Variants in DCP1B observed in about 807,000 individuals in gnomAD.
DCP1B encodes the protein decapping mRNA 1B.
DCP1B carries 47 observed loss-of-function variants against 60.5 expected under a neutral mutation model. The observed-to-expected ratio is 0.78, with a 90% confidence interval of 0.61 to 0.99. The LOEUF is 0.99. Ranked by LOEUF, DCP1B falls within the 50% of genes least tolerant of loss-of-function variation. DCP1B has a pLI of 0.00. For synonymous variants in DCP1B, 267 were observed against 280.3 expected (o/e 0.95, Z 0.47); for missense variants, 725 against 756.8 (o/e 0.96, Z 0.49).
intron 5 of DCP1B, among the ~76,000 whole-genome samples, chr12:1,960,246 G>A (rs1036435359): frequency 2.9e-4 from 44 of 152,216 alleles, no homozygotes; most frequent in African/African-American, 1.0e-3. Context: ...CAACAACATG[G>A]ATGAACCTGG....
chr12:1,952,366 T>C, intron 7 of DCP1B, 50 bp downstream of exon 7: 1 of 1,476,044 alleles, frequency 6.8e-7, no homozygotes, highest in Non-Finnish European at 9.0e-7. Context: ...AGGGACAGGA[T>C]CTTGCTATGC....
In DCP1B at chr12:2,004,417, C is replaced by G. The variant is rs777796436; in HGVS notation, c.15G>C (p.Ala5=). 1 of 1,610,208 alleles carries G rather than the reference C, an allele frequency of 6.2e-7. No homozygotes were observed. The highest frequency in any genetic ancestry group is 8.5e-7 in the Non-Finnish European group (1 of 1,178,622). Residue 5 remains alanine (A), a synonymous_variant, in exon 1 of 9, where the codon GCG becomes GCC. Transcript: ENST00000280665. MAAV[A]AGGLVGKGRD... is the part of the protein sequence containing the mutation. The stretch of plus-strand genomic sequence containing the variant: ...GCCCCTTTCCCACCAGGCCGCCTGC[C>G]GCCACGGCTGCCATCTTCCCTCCCT...
chr12:1,992,907 T>C, intron 3 of DCP1B: 1 of 528,812 alleles, frequency 1.9e-6, no homozygotes, highest in South Asian at 2.9e-5. Context: ...ACTCGTTAAT[T>C]CTTCGTTCAG....
chr12:1,944,024 T>C (rs2154456094), downstream of DCP1B, among the ~76,000 whole-genome samples: 1 of 152,362 alleles, frequency 6.6e-6, no homozygotes. Flanking sequence ...CATGACTGTA[T>C]ATTTAGAAAA....
intron 7 of DCP1B, chr12:1,950,173 AT>A: frequency 1.7e-6 from 1 of 585,540 alleles, no homozygotes; most frequent in South Asian, 2.2e-5. Context: ...AGTTGCTGTA[AT>A]TTTATAATCA....
intron 2 of DCP1B, among the ~76,000 whole-genome samples, chr12:1,995,257 ATACT>A (rs2040520671): frequency 6.6e-6 from 1 of 152,214 alleles, no homozygotes; most frequent in Admixed American, 6.5e-5. Context: ...TCAATCATTA[ATACT>A]TACTAATACA....
At chr12:1,955,685 A>T in intron 5 of DCP1B, 125 bp from the exon 6 acceptor site, 1 of 1,117,120 alleles carries the variant, frequency 9.0e-7, no homozygotes, top group Non-Finnish European at 1.2e-6. Flanking sequence ...TTCATGCACA[A>T]AGGAAAATCC....
chr12:1,959,530 C>G (rs2031043307), intron 5 of DCP1B, among the ~76,000 whole-genome samples: 1 of 152,048 alleles, frequency 6.6e-6, no homozygotes. Context: ...ATTAAAACCA[C>G]AGTGAAATAT....
chr12:2,004,080 TCCA>T, intron 1 of DCP1B, 199 bp downstream of exon 1: 1 of 696,832 alleles, frequency 1.4e-6, no homozygotes, highest in Non-Finnish European at 2.4e-6. Context: ...TTTCCCCAAC[TCCA>T]GGTAGCTCCA....
chr12:1,967,681 C>T (rs779873667), intron 4 of DCP1B, among the ~76,000 whole-genome samples, 163 bp downstream of exon 4: 3 of 152,184 alleles, frequency 2.0e-5, no homozygotes, highest in Admixed American at 6.5e-5. Context: ...GTTGTTCTTA[C>T]GTCTAATTTT....
In DCP1B at chr12:1,976,813, C is replaced by G. The variant is rs112230987; in HGVS notation, c.320-8903G>C. Among the ~76,000 whole-genome samples the G allele has an allele frequency of 8.0e-4, 98 of 122,182 alleles. 1 individual carries two copies. The highest frequency in any genetic ancestry group is 1.4e-3 in the Non-Finnish European group (85 of 62,376). The allele number at this position is 122,182 out of a possible 152,430, so 80.2% of individuals were successfully genotyped here. ...ACCCTCTAAAACAATGTCTGGCACA[C>G]AGCAGTCAAGCAAATATATTTGAGG... On this transcript the variant is annotated intron_variant, in intron 3 of 8. Transcript: ENST00000280665.
At chr12:1,963,341 A>G (rs529941541) in intron 5 of DCP1B, among the ~76,000 whole-genome samples, 1 of 152,346 alleles carries the variant, frequency 6.6e-6, no homozygotes, top group East Asian at 1.9e-4. Flanking sequence ...ACTAGCTGGA[A>G]TTCTCTGGTA....
chr12:1,980,511 T>C (rs1009254113), intron 3 of DCP1B, among the ~76,000 whole-genome samples: 3 of 151,962 alleles, frequency 2.0e-5, no homozygotes, highest in African/African-American at 7.2e-5. Context: ...TCTCAATATG[T>C]TTTCCCAGTC....
At chr12:1,982,678 A>AT (rs554170549) in intron 3 of DCP1B, among the ~76,000 whole-genome samples, 4 of 152,074 alleles carry the variant, frequency 2.6e-5, no homozygotes, top group Non-Finnish European at 4.4e-5. Context: ...TACTATAAAC[A>AT]TTTTTTTGTT....
chr12:1,956,598 T>C (rs1565763719), intron 5 of DCP1B, among the ~76,000 whole-genome samples: 1 of 152,370 alleles, frequency 6.6e-6, no homozygotes, highest in Non-Finnish European at 1.5e-5. Flanking sequence ...CAATAATTTG[T>C]ATATTTAGCA....
intron 3 of DCP1B, chr12:1,992,952 C>T (rs1276820151): frequency 1.2e-5 from 7 of 596,114 alleles, no homozygotes; most frequent in Non-Finnish European, 2.1e-5. Context: ...GCAGTCTCCT[C>T]ACTAAGAACT....
At chr12:1,993,489 G>T in intron 2 of DCP1B, 98 bp from the exon 3 acceptor site, 1 of 1,457,454 alleles carries the variant, frequency 6.9e-7, no homozygotes, top group Non-Finnish European at 9.2e-7. Context: ...CTCAACCTTT[G>T]TTTGTATATG....
rs2031396142 is a variant in DCP1B, at chr12:1,967,925, C to T, written c.320-15G>A. On this transcript the variant is annotated splice_polypyrimidine_tract_variant and intron_variant, in intron 3 of 8. Transcript: ENST00000280665. ...ATAGATGGACACTGCAAAAAACACA[C>T]ATCAAACAAATTATGAGCATCTTCA... is the stretch of plus-strand genomic sequence containing the variant. 1.9e-6 allele frequency: 3 copies of T among 1,604,698 alleles called. No homozygotes were observed. In the East Asian group the frequency reaches 6.7e-5, roughly 36 times the overall value.
chr12:1,973,160 A>C (rs2033079269), intron 3 of DCP1B, among the ~76,000 whole-genome samples: 1 of 152,238 alleles, frequency 6.6e-6, no homozygotes, highest in Non-Finnish European at 1.5e-5. Context: ...TTCACTGGCC[A>C]CTGAGAGTCT....
Sources: gnomAD v4.1 joint callset for allele counts (sites outside exome capture counted in the v4.1 genomes callset) on GRCh38, gnomAD v4.1.1 for gene constraint, MANE v1.5 for transcripts, NCBI Gene and HGNC (gene_info 2026-07-23, HGNC 2026-07-21) for gene names.